FREM2: variants seen among roughly 807,000 people sequenced by gnomAD.
FREM2 encodes FRAS1 related extracellular matrix 2, also known as FRAS1-related extracellular matrix protein 2.
In FREM2, 119 loss-of-function variants were observed where a neutral mutation model predicts 219.9. The ratio of observed to expected loss-of-function variants is 0.54; its 90% CI spans 0.47 to 0.63. The LOEUF (loss-of-function observed/expected upper bound fraction) is 0.63. FREM2 is among the 30% of genes least tolerant of loss of function. The pLI is 0.00. For missense variants in FREM2, 4,030 were observed against 3,993.6 expected (o/e 1.01, Z -0.25); for synonymous variants, 1,562 against 1,522.8 (o/e 1.03, Z -0.60).
At chr13:38,834,266 G>A (rs1876626265) in intron 6 of FREM2, among the ~76,000 whole-genome samples, 1 of 151,894 alleles carries the variant, frequency 6.6e-6, no homozygotes. Context: ...AGAACATGCA[G>A]TGTTTAGTTT....
At position 38,864,603 on chromosome 13, in the gene FREM2, A is replaced by G; in HGVS notation, c.7980A>G (p.Gly2660=). The change falls in exon 16 of 24, where the codon GGA becomes GGG. Residue 2660 remains glycine, a synonymous_variant. Transcript: ENST00000280481. ...ADCGGTIGTD[G]QVLNLVQSYV... ...GTGGTGGCACCATTGGAACAGATGG[A>G]CAGGTACAGATTTATAACATCTGAG... 6.2e-7 allele frequency: 1 copy of G among 1,613,552 alleles called. No individual in the cohort carries two copies. The highest frequency in any genetic ancestry group is 1.1e-5 in the South Asian group (1 of 91,070).
intron 16 of FREM2, among the ~76,000 whole-genome samples, chr13:38,868,352 A>G (rs1878042093): frequency 1.3e-5 from 2 of 152,212 alleles, no homozygotes. Context: ...CCATTCCTCT[A>G]AATACTTTGT....
chr13:38,719,197 G>A (rs1377261118), intron 2 of FREM2, among the ~76,000 whole-genome samples: 3 of 152,120 alleles, frequency 2.0e-5, no homozygotes, highest in Non-Finnish European at 4.4e-5. Context: ...CCTTCTTCCA[G>A]CTTCAAAGCC....
At chr13:38,824,891 G>A (rs549147718) in intron 6 of FREM2, among the ~76,000 whole-genome samples, 4 of 151,746 alleles carry the variant, frequency 2.6e-5, no homozygotes, top group Admixed American at 6.6e-5. Context: ...GGGGAAGGAC[G>A]GTTTTCATTT....
At chr13:38,749,421 A>T (rs1164026343) in intron 2 of FREM2, among the ~76,000 whole-genome samples, 2 of 152,196 alleles carry the variant, frequency 1.3e-5, no homozygotes, top group Non-Finnish European at 2.9e-5. Context: ...ATATATTCAC[A>T]ATTCAATTTA....
intron 2 of FREM2, among the ~76,000 whole-genome samples, chr13:38,699,004 G>A (rs950111012): frequency 1.1e-4 from 17 of 152,016 alleles, no homozygotes; most frequent in East Asian, 7.7e-4. Context: ...AGCATAAAAC[G>A]AAGTTCTAAA....
intron 4 of FREM2, among the ~76,000 whole-genome samples, chr13:38,774,187 C>T (rs1463141339): frequency 6.6e-6 from 1 of 151,832 alleles, no homozygotes; most frequent in East Asian, 1.9e-4. Flanking sequence ...AATTTCTTCC[C>T]GTCTTATGCT....
intron 12 of FREM2, among the ~76,000 whole-genome samples, chr13:38,856,638 C>T (rs983802535): frequency 6.6e-6 from 1 of 151,904 alleles, no homozygotes; most frequent in African/African-American, 2.4e-5. Flanking sequence ...AAAACATATT[C>T]GAACCCACAA....
chr13:38,711,325 A>T (rs1015449612), intron 2 of FREM2, among the ~76,000 whole-genome samples: 1 of 152,180 alleles, frequency 6.6e-6, no homozygotes, highest in Non-Finnish European at 1.5e-5. Flanking sequence ...TTAATGTAGG[A>T]TGAAGATAGC....
rs377592491 is a variant in FREM2 at position 38,687,963 on chromosome 13, T to A, written c.619T>A (p.Phe207Ile). The change falls in exon 1 of 24, where the codon TTC (phenylalanine) becomes ATC (isoleucine). Residue 207 changes from phenylalanine (F) to isoleucine (I), a missense_variant. Phe to Ile is a conservative substitution (Grantham distance 21, BLOSUM62 0). Transcript: ENST00000280481. ...SNALDARSLE[F>I]AFQPETEECR... ...TGCCCTGGACGCGCGGAGCCTGGAGTTCGCCTTCCAGCCCGAGACAGAGGA... is the reference window on the plus strand; with the variant it reads ...TGCCCTGGACGCGCGGAGCCTGGAGATCGCCTTCCAGCCCGAGACAGAGGA... 1.4e-5 allele frequency: 23 copies of A among 1,611,432 alleles called. No homozygotes were observed. The highest frequency in any genetic ancestry group is 2.0e-5 in the Non-Finnish European group (23 of 1,178,730).
At chr13:38,824,805 C>A (rs559814968) in intron 6 of FREM2, among the ~76,000 whole-genome samples, 2 of 151,908 alleles carry the variant, frequency 1.3e-5, no homozygotes, top group Non-Finnish European at 2.9e-5. Context: ...GGAAGTTACA[C>A]CTTATCAGAA....
At chr13:38,840,557 G>A (rs1409189394) in intron 6 of FREM2, among the ~76,000 whole-genome samples, 2 of 150,564 alleles carry the variant, frequency 1.3e-5, no homozygotes, top group South Asian at 2.1e-4. Flanking sequence ...GCCAAGTAGA[G>A]AGTGTAAGGT....
At chr13:38,856,823 G>T (rs1877580362) in intron 12 of FREM2, among the ~76,000 whole-genome samples, 2 of 151,898 alleles carry the variant, frequency 1.3e-5, no homozygotes, top group Admixed American at 6.5e-5. Context: ...TCCACAGAAT[G>T]TTGACCTTTA....
Position 38,690,271 on chromosome 13 carries a change from C to T in FREM2, c.2927C>T (p.Thr976Ile), listed in dbSNP as rs1289787090. The T allele has an allele frequency of 6.2e-7, 1 of 1,614,038 alleles. No homozygotes were observed. Among genetic ancestry groups the T allele is most frequent in the Non-Finnish European group, 8.5e-7 (1 of 1,179,986 alleles). ...GTTATTAAGGGGACCAATGAGGAAA[C>T]TGATGACTTGATGTTGACTTTCCTC... ...ANVIKGTNEE[T>I]DDLMLTFLLE... is the part of the protein sequence containing the mutation. The change falls in exon 1 of 24, where the codon ACT (threonine) becomes ATT (isoleucine). Residue 976 changes from threonine (T) to isoleucine (I), a missense_variant. By Grantham distance (89) the Thr-to-Ile change is moderately conservative. This residue lies in a region of FREM2 where 3,102 missense variants were observed against 2,950.7 expected (regional missense o/e 1.05). Coordinates refer to ENST00000280481, the MANE Select transcript of FREM2 (RefSeq NM_207361.6).
intron 6 of FREM2, among the ~76,000 whole-genome samples, chr13:38,837,837 T>G (rs1408409851): frequency 1.3e-5 from 2 of 151,412 alleles, no homozygotes; most frequent in Non-Finnish European, 2.9e-5. Context: ...TCCCTTTATT[T>G]TGAGCCTACG....
intron 2 of FREM2, among the ~76,000 whole-genome samples, chr13:38,737,610 C>T (rs965908339): frequency 1.3e-5 from 2 of 152,104 alleles, no homozygotes; most frequent in African/African-American, 4.8e-5. Context: ...AAGGAAACAG[C>T]CTAGATCAGT....
chr13:38,733,513 T>C (rs1871853055), intron 2 of FREM2, among the ~76,000 whole-genome samples: 1 of 152,078 alleles, frequency 6.6e-6, no homozygotes, highest in South Asian at 2.1e-4. Flanking sequence ...TGGTTGCAAC[T>C]TACCCACCAG....
rs1040122656 is a variant in FREM2 at position 38,834,723 on chromosome 13, G to C, written c.6020-11850G>C. On this transcript the variant is annotated intron_variant, in intron 6 of 23. Coordinates refer to ENST00000280481, the MANE Select transcript of FREM2 (RefSeq NM_207361.6). The stretch of plus-strand genomic sequence containing the variant: ...CAGTGATAATGAGCTTTTTTCATAT[G>C]TTTGTTGGCTGCATAAATGTCTTCT... 7.2e-5 allele frequency among the ~76,000 whole-genome samples: 11 copies of C among 152,270 alleles called. No individual in the cohort carries two copies. In the East Asian group the frequency reaches 1.9e-3, roughly 27 times the overall value.
chr13:38,740,849 TAAG>T (rs1455467238), intron 2 of FREM2, among the ~76,000 whole-genome samples: 1 of 152,218 alleles, frequency 6.6e-6, no homozygotes, highest in Non-Finnish European at 1.5e-5. Flanking sequence ...TAGAAGAAGA[TAAG>T]AATCAGGACT....
Sources: gnomAD v4.1 joint callset for allele counts (sites outside exome capture counted in the v4.1 genomes callset) on GRCh38, gnomAD v4.1.1 for gene constraint, gnomAD v4.1.1 regional missense constraint, MANE v1.5 for transcripts, NCBI Gene and HGNC (gene_info 2026-07-23, HGNC 2026-07-21) for gene names.